The following RASSF3 variants were observed in gnomAD, a reference collection of about 807,000 sequenced individuals.
RASSF3 encodes the protein ras association domain-containing protein 3.
RASSF3 carries 19 observed loss-of-function variants against 19.9 expected under a neutral mutation model. The ratio of observed to expected loss-of-function variants is 0.96; its 90% CI spans 0.67 to 1.40. RASSF3 has a LOEUF of 1.40. Among genes scored for constraint, RASSF3 ranks in the 40% most tolerant of loss-of-function variants. RASSF3 has a pLI of 0.00. For synonymous variants in RASSF3, 110 were observed against 104.2 expected (o/e 1.06, Z -0.34); for missense variants, 306 against 289.8 (o/e 1.06, Z -0.41).
At chr12:64,530,446 T>C (rs1226650068), upstream of RASSF3, among the ~76,000 whole-genome samples, 1 of 152,088 alleles carries the variant, frequency 6.6e-6, no homozygotes, top group African/African-American at 2.4e-5. Flanking sequence ...CCTGGCCCAT[T>C]GCACAACAAT....
At chr12:64,601,657 A>G (rs569288923) in intron 2 of RASSF3, among the ~76,000 whole-genome samples, 1 of 151,984 alleles carries the variant, frequency 6.6e-6, no homozygotes, top group East Asian at 1.9e-4. Flanking sequence ...CCCCGTCTCT[A>G]CAAAAAATTA....
At position 64,625,233 on chromosome 12, in the gene RASSF3, A is replaced by T. The variant is rs994741313; in HGVS notation, c.111+14490A>T. ...GGATTAATTTATTATTATTATTATT[A>T]TTTTTTAGCTGCATACCATATCACT... On this transcript the variant is annotated intron_variant, in intron 1 of 4. Coordinates refer to ENST00000542104, the MANE Select transcript of RASSF3 (RefSeq NM_178169.4). Among the ~76,000 whole-genome samples the T allele has an allele frequency of 7.9e-5, 12 of 151,926 alleles. No individual in the cohort carries two copies. In the South Asian group the frequency reaches 1.0e-3, roughly 13 times the overall value.
intron 2 of RASSF3, among the ~76,000 whole-genome samples, chr12:64,566,422 T>C (rs1869432123): frequency 6.6e-6 from 1 of 152,208 alleles, no homozygotes; most frequent in African/African-American, 2.4e-5. Context: ...GCAAGGTCAC[T>C]GGCCTCAAAA....
chr12:64,609,658 G>T (rs1388821020), upstream of RASSF3, among the ~76,000 whole-genome samples: 1 of 152,192 alleles, frequency 6.6e-6, no homozygotes, highest in Non-Finnish European at 1.5e-5. Flanking sequence ...GTGGATGGAT[G>T]GAATTCCCTG....
At chr12:64,507,366 G>T (rs924573330) in intron 1 of RASSF3, 1 of 380,754 alleles carries the variant, frequency 2.6e-6, no homozygotes, top group Non-Finnish European at 4.7e-6. Flanking sequence ...TTTCAAATCC[G>T]TTTTTTTGTG....
intron 1 of RASSF3, among the ~76,000 whole-genome samples, chr12:64,661,677 C>CTTTTTTTTTTTTTTT (rs71092993): frequency 1.4e-4 from 11 of 78,996 alleles, no homozygotes; most frequent in South Asian, 5.1e-4. Flanking sequence ...TTTTCTTTTT[C>CTTTTTTTTTTTTTTT]TTTTTTTTTT....
rs188384291 is a variant in RASSF3, at chr12:64,557,057, G to A, written c.294+15352G>A. Among the ~76,000 whole-genome samples the A allele has an allele frequency of 3.6e-3, 542 of 151,928 alleles. 5 individuals carry two copies. The highest frequency in any genetic ancestry group is 0.013 in the African/African-American group (528 of 41,452). On this transcript the variant is annotated intron_variant, in intron 2 of 5. Coordinates refer to the RASSF3 transcript ENST00000637125. ...TCCCCATGTTGGCCAGGCTGATCTCGACCTCCTGACCTCAGGTGATCCGCC... is the reference window on the plus strand; with the variant it reads ...TCCCCATGTTGGCCAGGCTGATCTCAACCTCCTGACCTCAGGTGATCCGCC...
chr12:64,643,658 A>G (rs151115167), intron 1 of RASSF3, among the ~76,000 whole-genome samples: 10 of 151,916 alleles, frequency 6.6e-5, no homozygotes, highest in African/African-American at 2.4e-4. Flanking sequence ...GGAATGATCT[A>G]CTCTGGGTGA....
intron 1 of RASSF3, among the ~76,000 whole-genome samples, chr12:64,617,167 C>CA (rs1342040963): frequency 6.6e-6 from 1 of 152,072 alleles, no homozygotes; most frequent in Non-Finnish European, 1.5e-5. Context: ...CAAACTAGAC[C>CA]ATAAGCCTTC....
At chr12:64,651,371 A>G (rs1251033604) in intron 1 of RASSF3, among the ~76,000 whole-genome samples, 1 of 152,026 alleles carries the variant, frequency 6.6e-6, no homozygotes, top group East Asian at 1.9e-4. Flanking sequence ...TTTTGTTTTT[A>G]TTTTTGAGAT....
At chr12:64,640,337 T>A (rs796304472) in intron 1 of RASSF3, among the ~76,000 whole-genome samples, 6 of 152,294 alleles carry the variant, frequency 3.9e-5, no homozygotes, top group African/African-American at 1.4e-4. Flanking sequence ...AGATTGACCC[T>A]CTCAACACAA....
intron 1 of RASSF3, among the ~76,000 whole-genome samples, chr12:64,641,402 GCA>G (rs1555213814): frequency 9.1e-4 from 94 of 102,804 alleles, no homozygotes; most frequent in African/African-American, 2.2e-3. Flanking sequence ...TCTCACAGGC[GCA>G]CACACACACA....
intron 4 of RASSF3, 117 bp from the exon 5 acceptor site, chr12:64,694,646 C>G: frequency 1.8e-6 from 2 of 1,135,432 alleles, no homozygotes; most frequent in Non-Finnish European, 2.6e-6. Context: ...ACCACACCTT[C>G]TGCGGCATGG....
Position 64,633,064 on chromosome 12 carries a change from T to G in RASSF3, c.111+22321T>G, listed in dbSNP as rs17100496. ...TGCTGTTATCTTGATCTGGCTCTAT[T>G]TGTTTTTTTTCCTATCAGGTTAAAA... On this transcript the variant is annotated intron_variant, in intron 1 of 4. Coordinates refer to ENST00000542104, the MANE Select transcript of RASSF3 (RefSeq NM_178169.4). Among the ~76,000 whole-genome samples, 657 of 152,334 alleles carry G rather than the reference T, an allele frequency of 4.3e-3. 6 individuals carry two copies. Among genetic ancestry groups the G allele is most frequent in the African/African-American group, 0.015 (637 of 41,572 alleles).
chr12:64,520,549 T>TACACAC (rs1157799363), intron 1 of RASSF3, among the ~76,000 whole-genome samples: 111 of 79,026 alleles, frequency 1.4e-3, no homozygotes, highest in African/African-American at 4.4e-3. Context: ...GATACACACA[T>TACACAC]ACACACATAT....
At chr12:64,592,851 C>T (rs1565845463) in intron 2 of RASSF3, among the ~76,000 whole-genome samples, 1 of 151,864 alleles carries the variant, frequency 6.6e-6, no homozygotes, top group Non-Finnish European at 1.5e-5. Flanking sequence ...GAGACAAGGT[C>T]TTGCCAGTCT....
At chr12:64,680,565 G>A (rs1244872) in intron 1 of RASSF3, among the ~76,000 whole-genome samples, 1 of 151,980 alleles carries the variant, frequency 6.6e-6, no homozygotes, top group Non-Finnish European at 1.5e-5. Context: ...CAGGGCCCTT[G>A]GGGTTTTACC....
chr12:64,654,700 A>C (rs1382961779), intron 1 of RASSF3: 1 of 140,240 alleles, frequency 7.1e-6, no homozygotes, highest in Non-Finnish European at 1.6e-5. Flanking sequence ...CCTCATCTCT[A>C]CTAAAAATAC....
chr12:64,639,516 C>T (rs1482264939), intron 1 of RASSF3, among the ~76,000 whole-genome samples: 1 of 152,134 alleles, frequency 6.6e-6, no homozygotes, highest in East Asian at 1.9e-4. Context: ...ACCATCATGT[C>T]TCAAAGTGAT....
Sources: gnomAD v4.1 joint callset for allele counts (sites outside exome capture counted in the v4.1 genomes callset) on GRCh38, gnomAD v4.1.1 for gene constraint, MANE v1.5 for transcripts, NCBI Gene and HGNC (gene_info 2026-07-23, HGNC 2026-07-21) for gene names.